KCND2: variants seen among roughly 807,000 people sequenced by gnomAD.
The protein encoded by KCND2 is potassium voltage-gated channel subfamily D member 2.
KCND2 carries 16 observed loss-of-function variants against 54.4 expected under a neutral mutation model. The ratio of observed to expected loss-of-function variants is 0.29; its 90% CI spans 0.20 to 0.45. The LOEUF is 0.45. Among genes scored for constraint, KCND2 ranks in the 20% least tolerant of loss-of-function variants. KCND2 has a pLI of 1.00. For synonymous variants in KCND2, 317 were observed against 310.7 expected (o/e 1.02, Z -0.21); for missense variants, 486 against 824.2 (o/e 0.59, Z 5.02).
At chr7:120,577,087 C>T (rs1390589037) in intron 1 of KCND2, among the ~76,000 whole-genome samples, 3 of 152,026 alleles carry the variant, frequency 2.0e-5, no homozygotes, top group Non-Finnish European at 2.9e-5. Context: ...GTTGAAGTTG[C>T]AGTGAGCCAA....
intron 1 of KCND2, among the ~76,000 whole-genome samples, chr7:120,495,577 A>G (rs1373817827): frequency 1.3e-5 from 2 of 152,204 alleles, no homozygotes; most frequent in Non-Finnish European, 2.9e-5. Context: ...ATCCCCTGGA[A>G]GGAAAAGAAA....
At chr7:120,460,507 G>C (rs1210501202) in intron 1 of KCND2, among the ~76,000 whole-genome samples, 1 of 149,746 alleles carries the variant, frequency 6.7e-6, no homozygotes, top group African/African-American at 2.5e-5. Context: ...GCCCCCAAAG[G>C]CATCCTTAGG....
At chr7:120,696,590 G>T (rs1397225759) in intron 1 of KCND2, among the ~76,000 whole-genome samples, 1 of 152,196 alleles carries the variant, frequency 6.6e-6, no homozygotes, top group Non-Finnish European at 1.5e-5. Flanking sequence ...GGGAGGTGGG[G>T]CCTAAAAAGA....
At chr7:120,623,072 T>C (rs901824233) in intron 1 of KCND2, among the ~76,000 whole-genome samples, 1 of 152,130 alleles carries the variant, frequency 6.6e-6, no homozygotes, top group Non-Finnish European at 1.5e-5. Flanking sequence ...ACAAAGGTAA[T>C]AGACATGGGT....
intron 1 of KCND2, among the ~76,000 whole-genome samples, chr7:120,432,503 A>G (rs1003159944): frequency 5.2e-5 from 5 of 96,522 alleles, no homozygotes; most frequent in Non-Finnish European, 8.6e-5. Context: ...GAATACACGC[A>G]CACACACACA....
intron 1 of KCND2, among the ~76,000 whole-genome samples, chr7:120,585,548 T>TA (rs1162971701): frequency 6.6e-6 from 1 of 151,944 alleles, no homozygotes; most frequent in Non-Finnish European, 1.5e-5. Context: ...TTCAGGTAGA[T>TA]AAAAAGAGCA....
intron 1 of KCND2, among the ~76,000 whole-genome samples, chr7:120,332,689 C>T (rs1013478021): frequency 3.3e-5 from 5 of 151,958 alleles, no homozygotes; most frequent in African/African-American, 1.2e-4. Flanking sequence ...TCTAGAGGAC[C>T]ATATGGGTTA....
intron 1 of KCND2, among the ~76,000 whole-genome samples, chr7:120,529,124 G>A (rs1433550649): frequency 6.6e-6 from 1 of 152,128 alleles, no homozygotes; most frequent in African/African-American, 2.4e-5. Context: ...GTTTCTCTGG[G>A]AGCATCTTGT....
At chr7:120,430,782 G>C (rs374974932) in intron 1 of KCND2, among the ~76,000 whole-genome samples, 2 of 152,118 alleles carry the variant, frequency 1.3e-5, no homozygotes, top group East Asian at 1.9e-4. Flanking sequence ...TGAGTATACA[G>C]CCATCTTCTG....
intron 1 of KCND2, among the ~76,000 whole-genome samples, chr7:120,608,313 C>G (rs113385302): frequency 7.5e-4 from 114 of 151,826 alleles, no homozygotes; most frequent in African/African-American, 2.6e-3. Flanking sequence ...TTCTTAGAAC[C>G]AATAATTTTA....
intron 1 of KCND2, among the ~76,000 whole-genome samples, chr7:120,653,783 G>C (rs1465008880): frequency 1.3e-5 from 2 of 152,186 alleles, no homozygotes; most frequent in Non-Finnish European, 2.9e-5. Context: ...TTGAGTTCCT[G>C]ATCTCGAGGT....
In KCND2 at chr7:120,548,814, G is replaced by A. The variant is rs558103125; in HGVS notation, c.1116-184089G>A. 8.3e-4 allele frequency among the ~76,000 whole-genome samples: 127 copies of A among 152,178 alleles called. 1 individual carries two copies. Among genetic ancestry groups the A allele is most frequent in the Non-Finnish European group, 9.7e-4 (66 of 67,996 alleles). ...GGAAAATGGAATTGTTATTGGTGGC[G>A]TATCCATGGCTGATGAAGACTGTAA... is the stretch of plus-strand genomic sequence containing the variant. On this transcript the variant is annotated intron_variant, in intron 1 of 5. Coordinates refer to ENST00000331113, the MANE Select transcript of KCND2 (RefSeq NM_012281.3).
At chr7:120,413,574 C>T (rs191446792) in intron 1 of KCND2, among the ~76,000 whole-genome samples, 91 of 152,038 alleles carry the variant, frequency 6.0e-4, no homozygotes, top group Non-Finnish European at 1.1e-3. Context: ...TTCAGAATAA[C>T]ACATGTGAAC....
chr7:120,278,718 C>T (rs1231688430), intron 1 of KCND2, among the ~76,000 whole-genome samples: 1 of 151,392 alleles, frequency 6.6e-6, no homozygotes, highest in Non-Finnish European at 1.5e-5. Flanking sequence ...TATCAGTAGA[C>T]TATAACTTGA....
chr7:120,725,433 A>G (rs1295645517), intron 1 of KCND2, among the ~76,000 whole-genome samples: 1 of 152,190 alleles, frequency 6.6e-6, no homozygotes, highest in African/African-American at 2.4e-5. Flanking sequence ...TAGATAATTT[A>G]TGAAATTTGT....
At chr7:120,498,616 A>C (rs1294516299) in intron 1 of KCND2, among the ~76,000 whole-genome samples, 1 of 151,516 alleles carries the variant, frequency 6.6e-6, no homozygotes, top group Non-Finnish European at 1.5e-5. Flanking sequence ...CTGTACTAAA[A>C]ATTCAAAAAT....
At chr7:120,489,401 T>C (rs1015027953) in intron 1 of KCND2, among the ~76,000 whole-genome samples, 1 of 134,188 alleles carries the variant, frequency 7.5e-6, no homozygotes, top group African/African-American at 3.5e-5. Flanking sequence ...TTAATGAATT[T>C]CTTTTGAAAC....
At chr7:120,687,998 G>A (rs932324118) in intron 1 of KCND2, among the ~76,000 whole-genome samples, 4 of 152,092 alleles carry the variant, frequency 2.6e-5, no homozygotes, top group Non-Finnish European at 5.9e-5. Context: ...GGACTGTGAG[G>A]CTAAATCCCC....
At chr7:120,715,015 C>G (rs1013885914) in intron 1 of KCND2, among the ~76,000 whole-genome samples, 2 of 151,790 alleles carry the variant, frequency 1.3e-5, no homozygotes, top group African/African-American at 4.8e-5. Context: ...GACCAAATAC[C>G]CCACGTATAC....
Sources: allele counts gnomAD v4.1 joint callset (sites outside exome capture counted in the v4.1 genomes callset), GRCh38; gene constraint gnomAD v4.1.1; transcripts MANE v1.5; gene names NCBI Gene and HGNC (gene_info 2026-07-23, HGNC 2026-07-21).